UNC13C: variants seen among roughly 807,000 people sequenced by gnomAD.
UNC13C encodes unc-13 homolog C.
Under a neutral mutation model 245.4 loss-of-function variants are expected in UNC13C, and 174 were observed. The ratio of observed to expected loss-of-function variants is 0.71; its 90% confidence interval spans 0.63 to 0.80. UNC13C has a LOEUF of 0.80. UNC13C is among the 30% of genes least tolerant of loss of function. The probability of loss-of-function intolerance (pLI) is 0.00; values close to 1 mark genes in which losing one functional copy is unlikely to be tolerated. For synonymous variants in UNC13C, 992 were observed against 895.1 expected (o/e 1.11, Z -1.93); for missense variants, 2,829 against 2,602.9 (o/e 1.09, Z -1.89).
At chr15:54,304,129 A>G (rs1014855586) in intron 13 of UNC13C, among the ~76,000 whole-genome samples, 1 of 152,032 alleles carries the variant, frequency 6.6e-6, no homozygotes, top group Non-Finnish European at 1.5e-5. Context: ...TTAGCTCTGC[A>G]GTACTAGTGC....
At chr15:53,862,004 T>G in the UNC13C span, among the ~76,000 whole-genome samples, 5 of 152,150 alleles carry the variant, frequency 3.3e-5, no homozygotes, top group African/African-American at 9.6e-5. Context: ...TGACACCAGA[T>G]GTATTAGTCT....
At chr15:54,196,100 A>G (rs1288572640) in intron 4 of UNC13C, among the ~76,000 whole-genome samples, 1 of 152,124 alleles carries the variant, frequency 6.6e-6, no homozygotes, top group Non-Finnish European at 1.5e-5. Context: ...CTCTTTTATG[A>G]ATAGGAGATG....
chr15:54,439,065 C>T (rs554085138), intron 19 of UNC13C, among the ~76,000 whole-genome samples: 1 of 152,064 alleles, frequency 6.6e-6, no homozygotes, highest in South Asian at 2.1e-4. Context: ...ACAACATTAT[C>T]TTCCCATAGA....
chr15:54,110,707 A>G (rs1321341301), intron 2 of UNC13C, among the ~76,000 whole-genome samples: 1 of 152,134 alleles, frequency 6.6e-6, no homozygotes, highest in African/African-American at 2.4e-5. Context: ...GTACAGATCA[A>G]AGTTGGTTTT....
At chr15:54,518,868 T>G (rs1171172852) in intron 24 of UNC13C, among the ~76,000 whole-genome samples, 1 of 152,206 alleles carries the variant, frequency 6.6e-6, no homozygotes, top group Non-Finnish European at 1.5e-5. Flanking sequence ...ATAAAGTGTC[T>G]CGTTGATTCT....
the UNC13C span, among the ~76,000 whole-genome samples, chr15:53,914,954 A>G: frequency 0.34 from 51,994 of 152,110 alleles, 8,915 homozygotes; most frequent in East Asian, 0.44. Context: ...AAAACCAACC[A>G]TAAAGGAGGG....
At chr15:54,478,013 C>T (rs1892870466) in intron 19 of UNC13C, among the ~76,000 whole-genome samples, 1 of 150,128 alleles carries the variant, frequency 6.7e-6, no homozygotes, top group Non-Finnish European at 1.5e-5. Flanking sequence ...TTCAGAGATT[C>T]ATCTTATTCC....
chr15:54,118,564 T>C (rs571314459), intron 2 of UNC13C, among the ~76,000 whole-genome samples: 9 of 152,296 alleles, frequency 5.9e-5, no homozygotes, highest in African/African-American at 2.2e-4. Context: ...TCTAGGTTTT[T>C]CTAATATAAT....
chr15:54,599,340 A>C (rs1304019361), intron 30 of UNC13C, among the ~76,000 whole-genome samples: 4 of 152,272 alleles, frequency 2.6e-5, no homozygotes, highest in Non-Finnish European at 4.4e-5. Flanking sequence ...GATCAAGAAA[A>C]GAGAAAGCCT....
intron 18 of UNC13C, among the ~76,000 whole-genome samples, chr15:54,412,523 G>A (rs2040437164): frequency 6.6e-6 from 1 of 152,192 alleles, no homozygotes; most frequent in Admixed American, 6.5e-5. Context: ...TGGGATTTGG[G>A]TGGGAACACG....
intron 17 of UNC13C, among the ~76,000 whole-genome samples, chr15:54,339,697 G>A (rs113084284): frequency 0.01 from 1,521 of 151,592 alleles, 22 homozygotes; most frequent in African/African-American, 0.035. Flanking sequence ...TGATTGATGG[G>A]CATTTAGGCT....
At chr15:54,116,906 C>T (rs1595875653) in intron 2 of UNC13C, among the ~76,000 whole-genome samples, 1 of 152,174 alleles carries the variant, frequency 6.6e-6, no homozygotes, top group East Asian at 1.9e-4. Flanking sequence ...TATGATGGTT[C>T]CCCTTTCTCC....
At chr15:54,575,952 T>A (rs531998377) in intron 30 of UNC13C, among the ~76,000 whole-genome samples, 1 of 152,338 alleles carries the variant, frequency 6.6e-6, no homozygotes, top group African/African-American at 2.4e-5. Flanking sequence ...GATGAGGGTC[T>A]TCAGAGCAGT....
At chr15:54,338,888 A>G (rs2038658833) in intron 17 of UNC13C, among the ~76,000 whole-genome samples, 2 of 152,122 alleles carry the variant, frequency 1.3e-5, no homozygotes, top group African/African-American at 2.4e-5. Context: ...GTTTTTTGAG[A>G]TGGAGTCTCA....
At chr15:54,387,072 A>G (rs1007748489) in intron 17 of UNC13C, among the ~76,000 whole-genome samples, 1 of 152,178 alleles carries the variant, frequency 6.6e-6, no homozygotes, top group Non-Finnish European at 1.5e-5. Context: ...ACTGATGGTG[A>G]ACCCCAATAT....
intron 2 of UNC13C, among the ~76,000 whole-genome samples, chr15:54,141,357 A>G (rs1033327131): frequency 6.6e-6 from 1 of 152,158 alleles, no homozygotes; most frequent in Non-Finnish European, 1.5e-5. Flanking sequence ...TTTAATATAT[A>G]GGCCAGAATT....
chr15:54,129,464 T>C (rs551953799), intron 2 of UNC13C, among the ~76,000 whole-genome samples: 19 of 152,316 alleles, frequency 1.2e-4, no homozygotes, highest in African/African-American at 4.1e-4. Context: ...TTATCCATTT[T>C]ATAAATATTT....
intron 2 of UNC13C, among the ~76,000 whole-genome samples, chr15:54,130,991 G>C (rs1020369776): frequency 1.3e-5 from 2 of 152,122 alleles, no homozygotes; most frequent in South Asian, 2.1e-4. Context: ...TAGAACTTAG[G>C]GACACTTGGT....
At chr15:53,877,053 T>C in the UNC13C span, among the ~76,000 whole-genome samples, 2 of 152,212 alleles carry the variant, frequency 1.3e-5, no homozygotes, top group Admixed American at 6.5e-5. Flanking sequence ...CCATCAACTT[T>C]AGTAGGTAAG....
Sources: allele counts gnomAD v4.1 joint callset (sites outside exome capture counted in the v4.1 genomes callset), GRCh38; gene constraint gnomAD v4.1.1; transcripts MANE v1.5; gene names NCBI Gene and HGNC (gene_info 2026-07-23, HGNC 2026-07-21).